Variants in IL1RAPL1 observed in about 807,000 individuals in gnomAD.
IL1RAPL1 encodes the protein interleukin 1 receptor accessory protein like 1.
Under a neutral mutation model 48.4 loss-of-function variants are expected in IL1RAPL1, and 3 were observed. That is an observed-to-expected ratio of 0.06 (90% CI 0.03 to 0.16). IL1RAPL1 has a LOEUF of 0.16. Among genes scored for constraint, IL1RAPL1 ranks in the 10% least tolerant of loss-of-function variants. IL1RAPL1 has a pLI of 1.00. For missense variants in IL1RAPL1, 349 were observed against 530.6 expected (o/e 0.66, Z 3.36); for synonymous variants, 185 against 187.7 (o/e 0.99, Z 0.12).
chrX:29,499,463 C>T (rs756983958), intron 5 of IL1RAPL1, among the ~76,000 whole-genome samples: 3 of 110,959 alleles, frequency 2.7e-5, no homozygotes, highest in African/African-American at 9.8e-5. Context: ...ATGTTTTATT[C>T]ATTTTGGATC....
At chrX:28,999,061 G>A (rs1925786977) in intron 2 of IL1RAPL1, among the ~76,000 whole-genome samples, 1 of 111,473 alleles carries the variant, frequency 9.0e-6, no homozygotes, top group Non-Finnish European at 1.9e-5. Flanking sequence ...CCACGTAGAA[G>A]GAAACAGGCT....
intron 6 of IL1RAPL1, among the ~76,000 whole-genome samples, chrX:29,891,226 C>G (rs1483255614): frequency 9.5e-6 from 1 of 105,495 alleles, no homozygotes; most frequent in Non-Finnish European, 1.9e-5. Context: ...CTATTCAAAT[C>G]AAATAATTAA....
rs1176344638 is a variant in IL1RAPL1 at position 29,956,009 on chromosome X, A to C, written c.*189A>C. On this transcript the variant is annotated 3_prime_UTR_variant, in exon 11 of 11. Coordinates refer to ENST00000378993, the MANE Select transcript of IL1RAPL1 (RefSeq NM_014271.4). ...AGCATCAGTGTCCTCCTGTTTTACC[A>C]TGTCTTTTACCATTACATTTTTTGA... The C allele has an allele frequency of 6.7e-6, 3 of 449,506 alleles. No homozygotes were observed. Among genetic ancestry groups the C allele is most frequent in the Non-Finnish European group, 1.2e-5 (3 of 254,417 alleles). The allele number at this position is 449,506 out of a possible 1,213,427, so 37.0% of individuals were successfully genotyped here. A position where few individuals can be genotyped will look rare whatever the true frequency, so the allele number is the denominator to read the frequency against.
chrX:28,669,590 C>G (rs1934923888), intron 1 of IL1RAPL1, among the ~76,000 whole-genome samples: 1 of 105,410 alleles, frequency 9.5e-6, no homozygotes, highest in Admixed American at 1.1e-4. Flanking sequence ...TGCACTCCAG[C>G]CTGGGTGACA....
chrX:29,307,551 A>G (rs1932644339), intron 3 of IL1RAPL1, among the ~76,000 whole-genome samples: 1 of 112,336 alleles, frequency 8.9e-6, no homozygotes, highest in Non-Finnish European at 1.9e-5. Flanking sequence ...AGATAGAACT[A>G]TACATAGCAT....
chrX:29,638,303 C>T (rs1172181524), intron 5 of IL1RAPL1, among the ~76,000 whole-genome samples: 2 of 101,002 alleles, frequency 2.0e-5, no homozygotes. Context: ...TGGAGTTTCA[C>T]TCCATCGCGT....
At chrX:29,276,565 G>T (rs1602147505) in intron 2 of IL1RAPL1, among the ~76,000 whole-genome samples, 1 of 87,908 alleles carries the variant, frequency 1.1e-5, no homozygotes, top group East Asian at 2.8e-4. Context: ...TCATTTAAGT[G>T]AACAGTTATT....
At chrX:28,779,509 A>G (rs1936394227) in intron 1 of IL1RAPL1, among the ~76,000 whole-genome samples, 1 of 106,323 alleles carries the variant, frequency 9.4e-6, no homozygotes, top group African/African-American at 3.4e-5. Context: ...ACGAAATCTA[A>G]CCCGAATTAG....
chrX:29,519,354 ATGTT>A (rs1285855472), intron 5 of IL1RAPL1, among the ~76,000 whole-genome samples: 30 of 111,792 alleles, frequency 2.7e-4, no homozygotes, highest in African/African-American at 9.4e-4. Context: ...TTGGGGAAAC[ATGTT>A]CAGAGGATAT....
chrX:28,897,825 G>A (rs1922969424), intron 2 of IL1RAPL1, among the ~76,000 whole-genome samples: 3 of 111,733 alleles, frequency 2.7e-5, no homozygotes, highest in Non-Finnish European at 5.6e-5. Flanking sequence ...AGGGAAGGGA[G>A]TTGGGGTGGG....
At chrX:29,084,928 G>C (rs1323175441) in intron 2 of IL1RAPL1, among the ~76,000 whole-genome samples, 2 of 111,947 alleles carry the variant, frequency 1.8e-5, no homozygotes, top group East Asian at 5.6e-4. Context: ...CCTGACCTCA[G>C]GTGATCCACC....
At chrX:29,083,457 C>T (rs1927886920) in intron 2 of IL1RAPL1, among the ~76,000 whole-genome samples, 1 of 111,784 alleles carries the variant, frequency 8.9e-6, no homozygotes, top group Non-Finnish European at 1.9e-5. Context: ...TCATGGCCAG[C>T]ACCAAGGTAA....
rs550949121 is a variant in IL1RAPL1, at chrX:29,629,674, A to G, written c.704-38756A>G. On this transcript the variant is annotated intron_variant, in intron 5 of 10. Transcript: ENST00000378993. ...TTCTGAAGAAATGCATTTAGTTCCC[A>G]TTCTTTCTTGATAACCTCTATGTTA... 1.2e-4 allele frequency among the ~76,000 whole-genome samples: 13 copies of G among 112,187 alleles called. No individual in the cohort carries two copies. The South Asian group carries it at 4.8e-3, about 41-fold the overall frequency.
chrX:29,487,352 C>T (rs1420582638), intron 5 of IL1RAPL1, among the ~76,000 whole-genome samples: 1 of 112,028 alleles, frequency 8.9e-6, no homozygotes, highest in Non-Finnish European at 1.9e-5. Context: ...CTTCTTTCAT[C>T]TCTACAATTC....
chrX:29,312,161 C>A (rs1208064799), intron 3 of IL1RAPL1, among the ~76,000 whole-genome samples: 1 of 111,655 alleles, frequency 9.0e-6, no homozygotes, highest in Admixed American at 9.5e-5. Context: ...GGTCCCCGGC[C>A]AGGCGTGGTG....
At chrX:29,122,409 T>TCTCACACACACA (rs60632925) in intron 2 of IL1RAPL1, among the ~76,000 whole-genome samples, 80 of 64,584 alleles carry the variant, frequency 1.2e-3, no homozygotes, top group African/African-American at 5.6e-3. Flanking sequence ...TCTCTCTCTC[T>TCTCACACACACA]CACACACACA....
At chrX:29,011,642 T>G (rs775495363) in intron 2 of IL1RAPL1, among the ~76,000 whole-genome samples, 2 of 112,020 alleles carry the variant, frequency 1.8e-5, no homozygotes, top group Non-Finnish European at 3.8e-5. Context: ...AGAGACAGAT[T>G]ACTAAGGAGC....
At chrX:29,395,100 T>A (rs1933905398) in intron 3 of IL1RAPL1, among the ~76,000 whole-genome samples, 1 of 111,623 alleles carries the variant, frequency 9.0e-6, no homozygotes, top group South Asian at 3.8e-4. Flanking sequence ...ACGGAGCACC[T>A]ATGACAGGCC....
intron 6 of IL1RAPL1, among the ~76,000 whole-genome samples, chrX:29,860,292 T>C (rs969934995): frequency 5.3e-5 from 6 of 112,175 alleles, no homozygotes; most frequent in South Asian, 3.8e-4. Context: ...TATAATACTC[T>C]AGTAGCATAT....
Sources: allele counts gnomAD v4.1 joint callset (sites outside exome capture counted in the v4.1 genomes callset), GRCh38; gene constraint gnomAD v4.1.1; transcripts MANE v1.5; gene names NCBI Gene and HGNC (gene_info 2026-07-23, HGNC 2026-07-21).